Variants in BCAR3 observed in about 807,000 individuals in gnomAD.
BCAR3 encodes breast cancer anti-estrogen resistance protein 3.
A neutral mutation model predicts 80.1 loss-of-function variants in BCAR3; 37 were observed. The ratio of observed to expected loss-of-function variants is 0.46; its 90% confidence interval spans 0.36 to 0.61. The LOEUF is 0.61. Among genes scored for constraint, BCAR3 ranks in the 20% least tolerant of loss-of-function variants. BCAR3 has a pLI of 0.00. For missense variants in BCAR3, 978 were observed against 1,068.2 expected (o/e 0.92, Z 1.18); for synonymous variants, 389 against 418.9 (o/e 0.93, Z 0.87).
intron 2 of BCAR3, among the ~76,000 whole-genome samples, chr1:93,758,187 A>G (rs909851620): frequency 5.9e-5 from 9 of 152,186 alleles, no homozygotes; most frequent in Non-Finnish European, 1.2e-4. Context: ...CATAAGGGAG[A>G]TGAGGGCAGC....
At chr1:93,727,504 G>C (rs1650635434) in intron 2 of BCAR3, among the ~76,000 whole-genome samples, 1 of 152,122 alleles carries the variant, frequency 6.6e-6, no homozygotes, top group Non-Finnish European at 1.5e-5. Flanking sequence ...CAAGAATTTG[G>C]GATCCAGTCA....
chr1:93,846,691 G>C, intron 1 of BCAR3: 1 of 335,182 alleles, frequency 3.0e-6, no homozygotes, highest in Non-Finnish European at 5.8e-6. Context: ...TGCTCCCAGC[G>C]CTCCCACGCG....
In BCAR3 at chr1:93,833,978, C is replaced by T. The variant is rs142752038; in HGVS notation, c.-63+11589G>A. ...TTACATTCAGAGATTGCAGTAAAGA[C>T]AGGCGTAAGAAATTATAAAGCTATT... On this transcript the variant is annotated intron_variant, in intron 2 of 13. Coordinates refer to the BCAR3 transcript ENST00000370244. Among the ~76,000 whole-genome samples, 1,375 of 152,228 alleles carry T rather than the reference C, an allele frequency of 9.0e-3. 26 individuals are homozygous for T. The highest frequency in any genetic ancestry group is 0.031 in the African/African-American group (1,280 of 41,520).
At chr1:93,741,602 C>T (rs968584912) in intron 2 of BCAR3, among the ~76,000 whole-genome samples, 9 of 152,186 alleles carry the variant, frequency 5.9e-5, no homozygotes, top group African/African-American at 1.9e-4. Flanking sequence ...CAGAGTTTCA[C>T]TCTTGTCGCC....
chr1:93,830,524 TC>T (rs1654522271), intron 2 of BCAR3, among the ~76,000 whole-genome samples: 1 of 151,934 alleles, frequency 6.6e-6, no homozygotes, highest in Admixed American at 6.6e-5. Flanking sequence ...GCTCAGAAGC[TC>T]CCCCACTGAG....
chr1:93,693,037 G>C (rs1158725144), intron 3 of BCAR3, among the ~76,000 whole-genome samples: 2 of 152,178 alleles, frequency 1.3e-5, no homozygotes. Flanking sequence ...TCCTGGGGCT[G>C]TGGAGCAGCT....
At chr1:93,661,895 C>T (rs1325729353) in intron 2 of BCAR3, among the ~76,000 whole-genome samples, 1 of 152,250 alleles carries the variant, frequency 6.6e-6, no homozygotes, top group Non-Finnish European at 1.5e-5. Flanking sequence ...TCTTCCACAT[C>T]TTAAAACATA....
intron 2 of BCAR3, among the ~76,000 whole-genome samples, chr1:93,657,827 C>T (rs576968309): frequency 6.6e-6 from 1 of 152,156 alleles, no homozygotes; most frequent in African/African-American, 2.4e-5. Context: ...AAGAGAATTG[C>T]TTCAACCTGA....
At chr1:93,671,159 A>AT (rs1182199978) in intron 2 of BCAR3, among the ~76,000 whole-genome samples, 1 of 151,854 alleles carries the variant, frequency 6.6e-6, no homozygotes, top group Non-Finnish European at 1.5e-5. Context: ...TGCCCAGCTA[A>AT]TTTTTTTGTA....
intron 2 of BCAR3, among the ~76,000 whole-genome samples, chr1:93,713,198 T>C (rs1201918273): frequency 1.3e-5 from 2 of 152,192 alleles, no homozygotes; most frequent in Non-Finnish European, 2.9e-5. Flanking sequence ...TAGTGGCTTC[T>C]GTATTGGACG....
chr1:93,670,608 A>T, intron 2 of BCAR3, among the ~76,000 whole-genome samples: 1 of 152,126 alleles, frequency 6.6e-6, no homozygotes, highest in East Asian at 1.9e-4. Flanking sequence ...TTAAGGTATG[A>T]TCTTAGGTGC....
chr1:93,582,026 G>A (rs1337353696), intron 7 of BCAR3, among the ~76,000 whole-genome samples: 6 of 152,178 alleles, frequency 3.9e-5, no homozygotes, highest in Admixed American at 6.5e-5. Flanking sequence ...CCCCACCCCC[G>A]GCAGCAGCCT....
At chr1:93,598,420 G>C (rs1674511237) in intron 3 of BCAR3, among the ~76,000 whole-genome samples, 1 of 152,184 alleles carries the variant, frequency 6.6e-6, no homozygotes, top group Non-Finnish European at 1.5e-5. Flanking sequence ...GTTCCCACAG[G>C]ATTTTAAATT....
intron 2 of BCAR3, among the ~76,000 whole-genome samples, chr1:93,798,809 C>T (rs534771643): frequency 6.6e-6 from 1 of 152,092 alleles, no homozygotes; most frequent in Non-Finnish European, 1.5e-5. Context: ...GTATCTCCTG[C>T]AAATTCTGAC....
intron 2 of BCAR3, among the ~76,000 whole-genome samples, chr1:93,800,768 A>C (rs887056664): frequency 6.6e-6 from 1 of 152,092 alleles, no homozygotes; most frequent in Admixed American, 6.5e-5. Flanking sequence ...GAGCACTATA[A>C]AGTTCTAGAA....
rs189128272 is a variant in BCAR3, at chr1:93,621,257, C to T, written c.357+21047G>A. 3.3e-5 allele frequency among the ~76,000 whole-genome samples: 5 copies of T among 152,334 alleles called. No homozygotes were observed. In the East Asian group the frequency reaches 9.6e-4, roughly 29 times the overall value. On this transcript the variant is annotated intron_variant, in intron 3 of 11. Coordinates refer to ENST00000260502, the MANE Select transcript of BCAR3 (RefSeq NM_003567.4). ...ATCATGGGCATTACCATCTAAGTGA[C>T]GTACTGGATAATTCTGTATCCTGCC...
At chr1:93,597,183 C>T (rs193032675) in intron 3 of BCAR3, among the ~76,000 whole-genome samples, 133 of 152,274 alleles carry the variant, frequency 8.7e-4, no homozygotes, top group Non-Finnish European at 1.1e-3. Flanking sequence ...AACTACTGTA[C>T]ATGGTTACCC....
chr1:93,826,931 CAGGG>C (rs1654393815), intron 2 of BCAR3, among the ~76,000 whole-genome samples: 1 of 151,974 alleles, frequency 6.6e-6, no homozygotes, highest in Non-Finnish European at 1.5e-5. Flanking sequence ...GACAATATGA[CAGGG>C]AGGAGTCATC....
chr1:93,676,248 C>G (rs112493966), intron 1 of BCAR3, among the ~76,000 whole-genome samples: 107 of 152,266 alleles, frequency 7.0e-4, no homozygotes, highest in African/African-American at 2.3e-3. Flanking sequence ...TGAAGACAAC[C>G]AAGAAGAATG....
Sources: gnomAD v4.1 joint callset for allele counts (sites outside exome capture counted in the v4.1 genomes callset) on GRCh38, gnomAD v4.1.1 for gene constraint, MANE v1.5 for transcripts, NCBI Gene and HGNC (gene_info 2026-07-23, HGNC 2026-07-21) for gene names.